Variants in TJP2 observed in about 807,000 individuals in gnomAD.
The protein encoded by TJP2 is tight junction protein 2.
Under a neutral mutation model 133.1 loss-of-function variants are expected in TJP2, and 91 were observed. The observed-to-expected ratio is 0.68, with a 90% CI of 0.58 to 0.81. The LOEUF is 0.81. Among genes scored for constraint, TJP2 ranks in the 40% least tolerant of loss-of-function variants. The pLI, the probability that TJP2 is intolerant of heterozygous loss-of-function variation, is 0.00. For missense variants in TJP2, 1,541 were observed against 1,565.6 expected, an observed-to-expected ratio of 0.98 and a Z score of 0.26; for synonymous variants, 592 against 583.4, an observed-to-expected ratio of 1.01 and a Z score of -0.21.
intron 2 of TJP2, among the ~76,000 whole-genome samples, chr9:69,160,965 G>C (rs555989715): frequency 2.0e-5 from 3 of 152,250 alleles, no homozygotes; most frequent in African/African-American, 7.2e-5. Context: ...TTTGGGTGGG[G>C]ACACAGCCAA....
At position 69,249,492 on chromosome 9, in the gene TJP2, G is replaced by A. The variant is rs1410840929; in HGVS notation, c.2991+7G>A. On this transcript the variant is annotated splice_region_variant and intron_variant, in intron 20 of 22. Transcript: ENST00000377245. The stretch of plus-strand genomic sequence containing the variant: ...CAAGCCAGAGCCGCCCAAGGTACGT[G>A]GCTGGGAAGCCCAGGATGGGAAGGA... 1 of 1,597,536 alleles carries A rather than the reference G, an allele frequency of 6.3e-7. No homozygotes were observed. The highest frequency in any genetic ancestry group is 2.3e-5 in the East Asian group (1 of 44,234).
intron 1 of TJP2, among the ~76,000 whole-genome samples, chr9:69,210,198 C>T (rs1271665143): frequency 1.4e-5 from 2 of 146,352 alleles, no homozygotes; most frequent in African/African-American, 2.5e-5. Context: ...CTGAGGTATG[C>T]GAATCACTTG....
In TJP2 at chr9:69,189,850, G is replaced by A. The variant is rs1211243089; in HGVS notation, c.60+15418G>A. On this transcript the variant is annotated intron_variant, in intron 1 of 22. Transcript: ENST00000377245. ...GGGCCAGGCACGGTGGCTCATGCCT[G>A]TAATCCCAGCACTTTGGGAGGCCGA... is the stretch of plus-strand genomic sequence containing the variant. Among the ~76,000 whole-genome samples the A allele has an allele frequency of 1.8e-5, 2 of 110,798 alleles. 1 individual carries two copies. Among genetic ancestry groups the A allele is most frequent in the Non-Finnish European group, 4.0e-5 (2 of 49,438 alleles). 72.7% of individuals were successfully genotyped at this position (110,798 alleles called of 152,430 possible).
chr9:69,215,335 AG>A (rs1050648084), intron 2 of TJP2, among the ~76,000 whole-genome samples: 2 of 126,698 alleles, frequency 1.6e-5, no homozygotes, highest in African/African-American at 6.2e-5. Context: ...AAAATTAAAA[AG>A]GATTGGCTAG....
intron 1 of TJP2, among the ~76,000 whole-genome samples, chr9:69,178,626 C>G (rs1000762025): frequency 6.6e-6 from 1 of 152,182 alleles, no homozygotes; most frequent in Non-Finnish European, 1.5e-5. Flanking sequence ...CTGTCTTAAG[C>G]GTGTGCATCC....
Position 69,124,982 on chromosome 9 carries a change from C to T in TJP2, c.-131+3257C>T, listed in dbSNP as rs1455466254. Among the ~76,000 whole-genome samples, 7 of 76,580 alleles carry T rather than the reference C, an allele frequency of 9.1e-5. 3 individuals carry two copies. The highest frequency in any genetic ancestry group is 2.1e-4 in the Non-Finnish European group (7 of 33,370). The allele number at this position is 76,580 out of a possible 152,430, so 50.2% of individuals were successfully genotyped here. On this transcript the variant is annotated intron_variant, in intron 1 of 5. Coordinates refer to the TJP2 transcript ENST00000423935. The stretch of plus-strand genomic sequence containing the variant: ...TTTTGTTGTTGTTGAGATGGAGTTT[C>T]GCTCTTGTCACCCAGGCTGGAGTGC...
chr9:69,158,075 G>A (rs1823864713), intron 2 of TJP2, among the ~76,000 whole-genome samples: 1 of 151,588 alleles, frequency 6.6e-6, no homozygotes, highest in Non-Finnish European at 1.5e-5. Flanking sequence ...AGCACTTTGG[G>A]AGGCTGAGGC....
chr9:69,247,022 A>G (rs1444138162), intron 18 of TJP2, among the ~76,000 whole-genome samples: 1 of 152,236 alleles, frequency 6.6e-6, no homozygotes, highest in Non-Finnish European at 1.5e-5. Context: ...TTCACTTTTA[A>G]TGTAGTAACT....
chr9:69,142,216 G>A (rs1823047536), intron 1 of TJP2, among the ~76,000 whole-genome samples: 3 of 152,170 alleles, frequency 2.0e-5, no homozygotes, highest in African/African-American at 7.2e-5. Flanking sequence ...GGACAGGATT[G>A]GAACGATAAA....
chr9:69,234,591 G>GGGGGGCC, intron 12 of TJP2, 44 bp downstream of exon 12: 5 of 572,854 alleles, frequency 8.7e-6, no homozygotes, highest in Admixed American at 2.1e-5. Flanking sequence ...TGGGGGTGGG[G>GGGGGGCC]AGTGGGAAGG....
intron 2 of TJP2, among the ~76,000 whole-genome samples, chr9:69,155,977 C>G (rs1176638686): frequency 6.6e-6 from 1 of 152,154 alleles, no homozygotes; most frequent in Non-Finnish European, 1.5e-5. Context: ...AGATGCTGCA[C>G]TAGGTGAGAA....
chr9:69,127,754 G>A (rs7027378), intron 1 of TJP2, among the ~76,000 whole-genome samples: 4,072 of 74,734 alleles, frequency 0.054, 1,537 homozygotes, highest in African/African-American at 0.16. Context: ...GCCCTTCATT[G>A]TCTGGCTTCT....
At chr9:69,247,047 A>G (rs1223360864) in intron 18 of TJP2, among the ~76,000 whole-genome samples, 2 of 152,246 alleles carry the variant, frequency 1.3e-5, no homozygotes, top group African/African-American at 2.4e-5. Context: ...TTATATTCCA[A>G]GTACACTAAT....
intron 1 of TJP2, among the ~76,000 whole-genome samples, chr9:69,130,964 A>T (rs1380926335): frequency 6.8e-6 from 1 of 146,178 alleles, no homozygotes; most frequent in Non-Finnish European, 1.5e-5. Flanking sequence ...TGGCCTTTCC[A>T]CCATTCTTTC....
Position 69,205,240 on chromosome 9 carries a change from C to A in TJP2, c.61-7308C>A, listed in dbSNP as rs1240349749. ...GAGGAGATGGAAAGGCCGTGTGAGT[C>A]CCTCTGCAAGCTCTCCCCTTGTTTT... is the stretch of plus-strand genomic sequence containing the variant. On this transcript the variant is annotated intron_variant, in intron 1 of 22. Transcript: ENST00000377245. 3 of 1,537,096 alleles carry A rather than the reference C, an allele frequency of 2.0e-6. No individual in the cohort carries two copies. In the Admixed American group the frequency reaches 5.9e-5, roughly 30 times the overall value.
chr9:69,158,870 A>G (rs961886288), intron 2 of TJP2, among the ~76,000 whole-genome samples: 13 of 152,064 alleles, frequency 8.5e-5, no homozygotes, highest in African/African-American at 2.4e-4. Flanking sequence ...CTTCACTCAT[A>G]TCAGTTGAAT....
intron 1 of TJP2, among the ~76,000 whole-genome samples, chr9:69,142,224 A>G (rs1244160741): frequency 6.6e-6 from 1 of 152,206 alleles, no homozygotes; most frequent in Admixed American, 6.5e-5. Context: ...TTGGAACGAT[A>G]AATTTGATGA....
chr9:69,242,565 A>G (rs960227736), intron 17 of TJP2, among the ~76,000 whole-genome samples: 2 of 152,214 alleles, frequency 1.3e-5, no homozygotes, highest in African/African-American at 4.8e-5. Context: ...CTCACCAGAA[A>G]TTGCCAATCT....
rs371280003 is a variant in TJP2, at chr9:69,136,289, C to A, written c.-131+14564C>A. On this transcript the variant is annotated intron_variant, in intron 1 of 5. Transcript: ENST00000423935. The stretch of plus-strand genomic sequence containing the variant: ...ATCCCAGCACTTTGGGAGGCCAAAG[C>A]GGGAGGATCACTTGAGACCAGAAGT... Among the ~76,000 whole-genome samples the A allele has an allele frequency of 1.5e-4, 23 of 152,120 alleles. No homozygotes were observed. In the East Asian group the frequency reaches 4.1e-3, roughly 27 times the overall value.
Sources: gnomAD v4.1 joint callset for allele counts (sites outside exome capture counted in the v4.1 genomes callset) on GRCh38, gnomAD v4.1.1 for gene constraint, MANE v1.5 for transcripts, NCBI Gene and HGNC (gene_info 2026-07-23, HGNC 2026-07-21) for gene names.